The following HEATR6 variants were observed in gnomAD, a reference collection of about 807,000 sequenced individuals.
HEATR6 encodes HEAT repeat-containing protein 6.
HEATR6 carries 106 observed loss-of-function variants against 132.8 expected under a neutral mutation model. The ratio of observed to expected loss-of-function variants is 0.80; its 90% CI spans 0.68 to 0.94. HEATR6 has a LOEUF of 0.94. Among genes scored for constraint, HEATR6 ranks in the 40% least tolerant of loss-of-function variants. The pLI is 0.00. For missense variants in HEATR6, 1,339 were observed against 1,425.1 expected, an observed-to-expected ratio of 0.94 and a Z score of 0.97; for synonymous variants, 529 against 537.8, an observed-to-expected ratio of 0.98 and a Z score of 0.23.
At chr17:60,066,994 G>A (rs1238200138) in intron 8 of HEATR6, among the ~76,000 whole-genome samples, 2 of 152,188 alleles carry the variant, frequency 1.3e-5, no homozygotes, top group Non-Finnish European at 2.9e-5. Context: ...AAGTCGGCCG[G>A]GCGCGGTGGC....
intron 9 of HEATR6, 85 bp from the exon 10 acceptor site, chr17:60,060,181 T>A: frequency 1.1e-6 from 1 of 916,898 alleles, no homozygotes; most frequent in Non-Finnish European, 1.7e-6. Flanking sequence ...ATGTTCAAAG[T>A]ATTTACAATC....
At chr17:60,073,324 G>C (rs1160898873) in intron 3 of HEATR6, 45 bp from the exon 4 acceptor site, 1 of 1,122,944 alleles carries the variant, frequency 8.9e-7, no homozygotes, top group Non-Finnish European at 1.4e-6. Context: ...AAGCTTCTAG[G>C]AAAATATTAT....
In HEATR6 at chr17:60,043,581, T is replaced by TG. The variant is rs1297712448; in HGVS notation, c.3527dup (p.Gly1177ArgfsTer23). 6.2e-7 allele frequency: 1 copy of TG among 1,612,624 alleles called. No individual in the cohort carries two copies. The highest frequency in any genetic ancestry group is 2.2e-5 in the East Asian group (1 of 44,816). On this transcript the variant is annotated frameshift_variant, in exon 20 of 20. Coordinates refer to ENST00000184956, the MANE Select transcript of HEATR6 (RefSeq NM_022070.5). LOFTEE classifies it high-confidence loss of function. Reference sequence around the variant, plus strand: ...GGGATCTTCACTGATTTGTTAACCCTGGGAGTGCCCCTTGTGATCCAGATG... The same window carrying TG: ...GGGATCTTCACTGATTTGTTAACCCTGGGGAGTGCCCCTTGTGATCCAGATG...
chr17:60,071,022 T>C (rs982415173), intron 5 of HEATR6, among the ~76,000 whole-genome samples: 1 of 152,170 alleles, frequency 6.6e-6, no homozygotes, highest in Non-Finnish European at 1.5e-5. Flanking sequence ...AAAAGAATAA[T>C]GAAGTGGTCT....
intron 9 of HEATR6, among the ~76,000 whole-genome samples, chr17:60,062,027 G>T (rs1304385436): frequency 6.6e-6 from 1 of 152,240 alleles, no homozygotes; most frequent in Non-Finnish European, 1.5e-5. Flanking sequence ...AAATGTCATT[G>T]AAATTGGTTA....
At chr17:60,072,933 C>T (rs1465242525) in intron 4 of HEATR6, among the ~76,000 whole-genome samples, 1 of 152,198 alleles carries the variant, frequency 6.6e-6, no homozygotes, top group Non-Finnish European at 1.5e-5. Flanking sequence ...CACATTATGT[C>T]ACTATTACCA....
chr17:60,074,217 T>A, intron 2 of HEATR6: 2 of 728,418 alleles, frequency 2.7e-6, no homozygotes, highest in Non-Finnish European at 3.4e-6. Context: ...AACTGCCTTA[T>A]ACATAATAAA....
chr17:60,068,621 CTT>C (rs775558148), intron 7 of HEATR6, among the ~76,000 whole-genome samples: 5 of 150,994 alleles, frequency 3.3e-5, no homozygotes, highest in East Asian at 3.9e-4. Flanking sequence ...CGGCTCCACT[CTT>C]TCTCTCCCCG....
chr17:60,057,781 C>A (rs1280485694), intron 11 of HEATR6, among the ~76,000 whole-genome samples: 2 of 152,080 alleles, frequency 1.3e-5, no homozygotes, highest in African/African-American at 4.8e-5. Context: ...CTTGAATGAA[C>A]CCCGGATTTT....
At position 60,073,099 on chromosome 17, in the gene HEATR6, C is replaced by A. The variant is rs147060626; in HGVS notation, c.584+65G>T. 325 of 908,708 alleles carry A rather than the reference C, an allele frequency of 3.6e-4. 2 individuals are homozygous for A. In the African/African-American group the frequency reaches 4.8e-3, roughly 14 times the overall value. 56.3% of individuals were successfully genotyped at this position (908,708 alleles called of 1,614,324 possible). On this transcript the variant is annotated intron_variant, in intron 4 of 19. Transcript: ENST00000184956. ...CTCTGGCTTCAGGCACAGGGAACTA[C>A]CTACAAAGGGCCCAATAGAGGCACT...
intron 4 of HEATR6, among the ~76,000 whole-genome samples, chr17:60,072,620 T>C (rs2083276013): frequency 6.6e-6 from 1 of 152,178 alleles, no homozygotes. Flanking sequence ...TGTTCAGTCC[T>C]AGGAGGGAAA....
intron 1 of HEATR6, 47 bp from the exon 2 acceptor site, chr17:60,076,284 G>T: frequency 9.7e-7 from 1 of 1,029,776 alleles, no homozygotes; most frequent in Non-Finnish European, 1.5e-6. Flanking sequence ...TTAGTCAAGT[G>T]AAGATCCTCA....
At chr17:60,069,644 T>C (rs2083260596) in intron 7 of HEATR6, 67 bp downstream of exon 7, 2 of 1,477,240 alleles carry the variant, frequency 1.4e-6, no homozygotes, top group Non-Finnish European at 1.9e-6. Context: ...ATGCAAATCA[T>C]AGAAAACACA....
rs780891622 is a variant in HEATR6, at chr17:60,066,357, G to T, written c.1268C>A (p.Ala423Asp). 1.5e-5 allele frequency: 24 copies of T among 1,610,942 alleles called. No individual in the cohort carries two copies. Among genetic ancestry groups the T allele is most frequent in the Middle Eastern group, 1.6e-4 (1 of 6,074 alleles). Residue 423 changes from alanine (A) to aspartate (D), a missense_variant, in exon 9 of 20, where the codon GCC becomes GAC. Physicochemically the swap from Ala to Asp is moderately radical, Grantham distance 126 (BLOSUM62 -2). Coordinates refer to ENST00000184956, the MANE Select transcript of HEATR6 (RefSeq NM_022070.5). ...RSYQAKVRQG[A>D]LVCFLSTIKS... Reference sequence around the variant, plus strand: ...TATAGTAGAAAGAAAACAAACTAAGGCTCCTTGGCGAACTTTAGCTTGGTA... The same window carrying T: ...TATAGTAGAAAGAAAACAAACTAAGTCTCCTTGGCGAACTTTAGCTTGGTA...
chr17:60,049,304 A>T (rs897677416), intron 16 of HEATR6, among the ~76,000 whole-genome samples: 1 of 151,422 alleles, frequency 6.6e-6, no homozygotes, highest in African/African-American at 2.4e-5. Context: ...AATTTTTAAA[A>T]TTTTTTGTAG....
Position 60,046,013 on chromosome 17 carries a change from A to G in HEATR6, c.2974+12T>C. On this transcript the variant is annotated intron_variant, in intron 19 of 19. Transcript: ENST00000184956. ...AGGCTTTCCACCAGGGAGTGAAGGG[A>G]AACTTTCTTACCTAAAGGAAGGGCA... The G allele has an allele frequency of 6.2e-7, 1 of 1,603,796 alleles. No individual in the cohort carries two copies. Among genetic ancestry groups the G allele is most frequent in the Non-Finnish European group, 8.5e-7 (1 of 1,171,094 alleles).
In HEATR6 at chr17:60,043,491, C is replaced by G; in HGVS notation, c.*72G>C. On this transcript the variant is annotated 3_prime_UTR_variant, in exon 20 of 20. Coordinates refer to ENST00000184956, the MANE Select transcript of HEATR6 (RefSeq NM_022070.5). ...ATTGTTTCTGCCCCTAAGATGAAAT[C>G]CCACAGATCTTATGCTCAAGCTCAG... 8.2e-7 allele frequency: 1 copy of G among 1,217,600 alleles called. No homozygotes were observed. Among genetic ancestry groups the G allele is most frequent in the South Asian group, 1.4e-5 (1 of 69,946 alleles). 75.4% of individuals were successfully genotyped at this position (1,217,600 alleles called of 1,614,324 possible).
rs1318539664 is a variant in HEATR6 at position 60,069,856 on chromosome 17, T to G, written c.802-8A>C. 1 of 1,613,420 alleles carries G rather than the reference T, an allele frequency of 6.2e-7. No individual in the cohort carries two copies. Among genetic ancestry groups the G allele is most frequent in the Non-Finnish European group, 8.5e-7 (1 of 1,179,794 alleles). ...TCCGTGAAACATGAATTTCTAATAA[T>G]GATGAATAAGGACACACACACACAC... On this transcript the variant is annotated splice_polypyrimidine_tract_variant and splice_region_variant and intron_variant, in intron 6 of 19. Transcript: ENST00000184956.
At chr17:60,074,055 G>T in intron 2 of HEATR6, 169 bp from the exon 3 acceptor site, 1 of 1,316,430 alleles carries the variant, frequency 7.6e-7, no homozygotes, top group Non-Finnish European at 9.7e-7. Flanking sequence ...ATCAACGTAG[G>T]GGCCTTCTCC....
Sources: allele counts gnomAD v4.1 joint callset (sites outside exome capture counted in the v4.1 genomes callset), GRCh38; gene constraint gnomAD v4.1.1; transcripts MANE v1.5; gene names NCBI Gene and HGNC (gene_info 2026-07-23, HGNC 2026-07-21).